CTNNA2: variants seen among roughly 807,000 people sequenced by gnomAD.
CTNNA2 encodes catenin alpha-2.
In CTNNA2, 42 loss-of-function variants were observed where a neutral mutation model predicts 101.0. The ratio of observed to expected loss-of-function variants is 0.42; its 90% CI spans 0.32 to 0.54. CTNNA2 has a LOEUF of 0.54. Ranked by LOEUF, CTNNA2 falls within the 20% of genes least tolerant of loss-of-function variation. The pLI, the probability that CTNNA2 is intolerant of heterozygous loss-of-function variation, is 0.14. For missense variants in CTNNA2, 871 were observed against 1,223.1 expected, an observed-to-expected ratio of 0.71 and a Z score of 4.29; for synonymous variants, 450 against 456.4, an observed-to-expected ratio of 0.99 and a Z score of 0.18.
intron 9 of CTNNA2, among the ~76,000 whole-genome samples, chr2:80,538,482 A>T (rs1691244238): frequency 6.6e-6 from 1 of 152,182 alleles, no homozygotes; most frequent in Admixed American, 6.5e-5. Flanking sequence ...TAAATGGGGA[A>T]TCCTTTCCCC....
intron 1 of CTNNA2, among the ~76,000 whole-genome samples, chr2:79,543,662 T>G (rs982132621): frequency 6.6e-6 from 1 of 152,150 alleles, no homozygotes; most frequent in African/African-American, 2.4e-5. Flanking sequence ...ATTTAATAGA[T>G]GATTATATAT....
chr2:80,191,726 T>C (rs1160189530), intron 7 of CTNNA2, among the ~76,000 whole-genome samples: 1 of 152,166 alleles, frequency 6.6e-6, no homozygotes. Flanking sequence ...TATATCTCTG[T>C]AGGGAAGAGT....
chr2:79,935,972 G>A (rs1220287537), intron 7 of CTNNA2, among the ~76,000 whole-genome samples: 2 of 152,192 alleles, frequency 1.3e-5, no homozygotes, highest in Non-Finnish European at 1.5e-5. Flanking sequence ...ACCGTTTCCC[G>A]TGTAATTGAG....
chr2:80,360,940 T>G (rs1193510959), intron 7 of CTNNA2, among the ~76,000 whole-genome samples: 2 of 152,078 alleles, frequency 1.3e-5, no homozygotes, highest in Non-Finnish European at 2.9e-5. Flanking sequence ...TATTAATTAT[T>G]AAACGTATTA....
intron 2 of CTNNA2, among the ~76,000 whole-genome samples, chr2:79,716,141 A>G (rs1037867868): frequency 7.2e-5 from 11 of 152,188 alleles, no homozygotes; most frequent in African/African-American, 2.7e-4. Flanking sequence ...GTACAGGGCC[A>G]GGGTGGAGTT....
chr2:79,301,213 A>G (rs1265619924), intron 2 of CTNNA2, among the ~76,000 whole-genome samples: 1 of 152,134 alleles, frequency 6.6e-6, no homozygotes, highest in Non-Finnish European at 1.5e-5. Flanking sequence ...CTCCCTTATC[A>G]TGTCTTTATA....
At chr2:80,145,578 A>G (rs1333300094) in intron 7 of CTNNA2, among the ~76,000 whole-genome samples, 1 of 152,214 alleles carries the variant, frequency 6.6e-6, no homozygotes, top group African/African-American at 2.4e-5. Context: ...CAGGAATTTA[A>G]TTAGTGCCTA....
chr2:79,758,919 T>C (rs1168541110), intron 3 of CTNNA2, among the ~76,000 whole-genome samples: 1 of 152,212 alleles, frequency 6.6e-6, no homozygotes, highest in Non-Finnish European at 1.5e-5. Flanking sequence ...TAAACCATGC[T>C]GAATCTTGTT....
Position 79,326,250 on chromosome 2 carries a change from G to A in CTNNA2, c.-318+13454G>A, listed in dbSNP as rs17016870. ...GTGAAAAGGAAAAAATGACTAAAGCGCTAAGGGAACATCATATTCATGAAT... is the reference window on the plus strand; with the variant it reads ...GTGAAAAGGAAAAAATGACTAAAGCACTAAGGGAACATCATATTCATGAAT... On this transcript the variant is annotated intron_variant, in intron 3 of 21. Coordinates refer to the CTNNA2 transcript ENST00000466387. Among the ~76,000 whole-genome samples, 1,066 of 150,414 alleles carry A rather than the reference G, an allele frequency of 7.1e-3. 14 individuals carry two copies. The highest frequency in any genetic ancestry group is 0.024 in the African/African-American group (982 of 40,892).
intron 4 of CTNNA2, among the ~76,000 whole-genome samples, chr2:79,429,055 T>G (rs1678623827): frequency 6.6e-6 from 1 of 152,156 alleles, no homozygotes; most frequent in Non-Finnish European, 1.5e-5. Flanking sequence ...GCAGGCTACA[T>G]TTATTCAGGT....
chr2:80,028,947 T>C (rs1695113560), intron 7 of CTNNA2, among the ~76,000 whole-genome samples: 1 of 152,232 alleles, frequency 6.6e-6, no homozygotes, highest in African/African-American at 2.4e-5. Flanking sequence ...AACTATAAAA[T>C]AATAAATTTG....
chr2:80,315,638 T>A (rs1573693516), intron 7 of CTNNA2, among the ~76,000 whole-genome samples: 1 of 152,326 alleles, frequency 6.6e-6, no homozygotes, highest in Non-Finnish European at 1.5e-5. Flanking sequence ...ACTTTTCAAG[T>A]CTCACCATTT....
At chr2:79,643,676 C>A (rs1680605692) in intron 1 of CTNNA2, among the ~76,000 whole-genome samples, 1 of 152,088 alleles carries the variant, frequency 6.6e-6, no homozygotes. Context: ...GGCTGGGTCT[C>A]CTTCTTTGGC....
intron 9 of CTNNA2, among the ~76,000 whole-genome samples, chr2:80,438,213 T>C (rs1682217887): frequency 6.6e-6 from 1 of 152,162 alleles, no homozygotes; most frequent in Non-Finnish European, 1.5e-5. Flanking sequence ...CCCTAGAGTC[T>C]CCTCCTGCGT....
intron 7 of CTNNA2, among the ~76,000 whole-genome samples, chr2:80,180,051 C>T (rs749110582): frequency 3.9e-5 from 6 of 152,206 alleles, no homozygotes; most frequent in Non-Finnish European, 8.8e-5. Context: ...TTGGAATCAA[C>T]ATCAGCTCAA....
chr2:79,706,726 T>C (rs756485143), intron 2 of CTNNA2, among the ~76,000 whole-genome samples: 5 of 151,966 alleles, frequency 3.3e-5, no homozygotes, highest in Non-Finnish European at 7.4e-5. Flanking sequence ...TATAAGAAAA[T>C]CTTGGGTGGT....
Position 79,657,940 on chromosome 2 carries a change from A to G in CTNNA2, c.102+6282A>G, listed in dbSNP as rs144786632. Reference sequence around the variant, plus strand: ...TGTACCACGTAAATTTTGGAAAAGGACTAATAAAGCCCTCTTTGGGATATA... The same window carrying G: ...TGTACCACGTAAATTTTGGAAAAGGGCTAATAAAGCCCTCTTTGGGATATA... On this transcript the variant is annotated intron_variant, in intron 2 of 18. Coordinates refer to ENST00000402739, the MANE Select transcript of CTNNA2 (RefSeq NM_001282597.3). 3.5e-3 allele frequency among the ~76,000 whole-genome samples: 526 copies of G among 151,958 alleles called. 11 individuals carry two copies. In the East Asian group the frequency reaches 0.048, roughly 14 times the overall value.
chr2:80,499,437 G>T (rs2149530206), intron 9 of CTNNA2, among the ~76,000 whole-genome samples: 1 of 152,156 alleles, frequency 6.6e-6, no homozygotes, highest in Non-Finnish European at 1.5e-5. Context: ...AAGCATGTTT[G>T]ATTAGAAAGA....
At chr2:79,301,195 T>G (rs1676099588) in intron 2 of CTNNA2, among the ~76,000 whole-genome samples, 1 of 152,244 alleles carries the variant, frequency 6.6e-6, no homozygotes, top group African/African-American at 2.4e-5. Context: ...ATATCTCTCC[T>G]TTTGAACCTC....
Sources: gnomAD v4.1 joint callset for allele counts (sites outside exome capture counted in the v4.1 genomes callset) on GRCh38, gnomAD v4.1.1 for gene constraint, MANE v1.5 for transcripts, NCBI Gene and HGNC (gene_info 2026-07-23, HGNC 2026-07-21) for gene names.